Variants in CACNB2 observed in about 807,000 individuals in gnomAD.
CACNB2 encodes voltage-dependent L-type calcium channel subunit beta-2.
A neutral mutation model predicts 73.3 loss-of-function variants in CACNB2; 42 were observed. The observed-to-expected ratio is 0.57, with a 90% CI of 0.45 to 0.74. The LOEUF (loss-of-function observed/expected upper bound fraction) is 0.74. Among genes scored for constraint, CACNB2 ranks in the 30% least tolerant of loss-of-function variants. The probability of loss-of-function intolerance (pLI) is 0.00; values close to 1 mark genes in which losing one functional copy is unlikely to be tolerated. For missense variants in CACNB2, 940 were observed against 853.0 expected (o/e 1.10, Z -1.27); for synonymous variants, 348 against 310.3 (o/e 1.12, Z -1.28).
chr10:18,213,063 A>C (rs1274828726), intron 2 of CACNB2, among the ~76,000 whole-genome samples: 2 of 152,234 alleles, frequency 1.3e-5, no homozygotes, highest in Non-Finnish European at 1.5e-5. Context: ...GGCCTCATGC[A>C]ACCAGCATGC....
chr10:18,435,583 C>T (rs1020833936), intron 3 of CACNB2, among the ~76,000 whole-genome samples: 4 of 152,092 alleles, frequency 2.6e-5, no homozygotes, highest in African/African-American at 9.7e-5. Flanking sequence ...ACTGCAGCCT[C>T]GACCTCCCAG....
At chr10:18,302,376 T>C (rs981654030) in intron 2 of CACNB2, among the ~76,000 whole-genome samples, 11 of 152,142 alleles carry the variant, frequency 7.2e-5, no homozygotes, top group African/African-American at 2.7e-4. Flanking sequence ...GTGAATGACA[T>C]TATACAAAAT....
chr10:18,416,307 G>A (rs977755462), intron 3 of CACNB2, among the ~76,000 whole-genome samples: 1 of 152,164 alleles, frequency 6.6e-6, no homozygotes, highest in Non-Finnish European at 1.5e-5. Flanking sequence ...TCAAGGCTGA[G>A]TAATATTCCA....
At chr10:18,443,298 C>G (rs2046567338) in intron 3 of CACNB2, among the ~76,000 whole-genome samples, 1 of 151,810 alleles carries the variant, frequency 6.6e-6, no homozygotes, top group Non-Finnish European at 1.5e-5. Flanking sequence ...AAGGAAGAGG[C>G]CATTTCCAGT....
chr10:18,200,757 A>T (rs1156692201), intron 2 of CACNB2, among the ~76,000 whole-genome samples: 3 of 152,206 alleles, frequency 2.0e-5, no homozygotes, highest in East Asian at 1.9e-4. Context: ...CAATAATTTT[A>T]TAGTTGCCAA....
Position 18,171,534 on chromosome 10 carries a change from A to G in CACNB2, c.213+20559A>G, listed in dbSNP as rs1479086507. Among the ~76,000 whole-genome samples the G allele has an allele frequency of 2.8e-5, 4 of 143,348 alleles. No homozygotes were observed. The South Asian group carries it at 6.6e-4, about 23-fold the overall frequency. The allele number at this position is 143,348 out of a possible 152,430, so 94.0% of individuals were successfully genotyped here. A position where few individuals can be genotyped will look rare whatever the true frequency, so the allele number is the denominator to read the frequency against. On this transcript the variant is annotated intron_variant, in intron 2 of 13. Coordinates refer to ENST00000324631, the MANE Select transcript of CACNB2 (RefSeq NM_201596.3). ...GCTTTGATAGCAGAAAAAAAAAAAA[A>G]AAAAAAAAAAAAAAAGGCTATTTGT...
intron 3 of CACNB2, among the ~76,000 whole-genome samples, chr10:18,466,303 A>T (rs1275148714): frequency 6.6e-6 from 1 of 152,126 alleles, no homozygotes; most frequent in Non-Finnish European, 1.5e-5. Flanking sequence ...TGACATGATC[A>T]TAGCTCACTG....
intron 2 of CACNB2, among the ~76,000 whole-genome samples, chr10:18,378,991 C>T (rs2042911144): frequency 2.0e-5 from 3 of 152,078 alleles, no homozygotes; most frequent in African/African-American, 7.2e-5. Context: ...GCCAGGAACC[C>T]GGGCTTTCTT....
chr10:18,397,031 G>T (rs2043746502), intron 2 of CACNB2, among the ~76,000 whole-genome samples: 1 of 152,164 alleles, frequency 6.6e-6, no homozygotes, highest in Non-Finnish European at 1.5e-5. Context: ...CTATGAAATA[G>T]GCTTACAACT....
intron 2 of CACNB2, among the ~76,000 whole-genome samples, chr10:18,190,191 G>C (rs2034331769): frequency 6.6e-6 from 1 of 152,160 alleles, no homozygotes; most frequent in Non-Finnish European, 1.5e-5. Flanking sequence ...CTATCAGAAA[G>C]GGACATGCTC....
intron 2 of CACNB2, among the ~76,000 whole-genome samples, chr10:18,329,774 A>T (rs2040728071): frequency 2.0e-5 from 3 of 152,058 alleles, no homozygotes; most frequent in African/African-American, 7.2e-5. Context: ...ATTGTTTCCA[A>T]TAAAATATTT....
chr10:18,534,373 G>A, intron 11 of CACNB2, 146 bp downstream of exon 11: 1 of 759,566 alleles, frequency 1.3e-6, no homozygotes, highest in Non-Finnish European at 2.2e-6. Flanking sequence ...TTTTTAAATT[G>A]ATATAGTTTC....
intron 2 of CACNB2, among the ~76,000 whole-genome samples, chr10:18,361,496 C>T (rs1455318533): frequency 1.1e-5 from 1 of 95,044 alleles, no homozygotes; most frequent in African/African-American, 3.7e-5. Context: ...AAGACTCTAT[C>T]TCAAAAAAAA....
intron 3 of CACNB2, among the ~76,000 whole-genome samples, chr10:18,409,584 T>C (rs1431162418): frequency 6.6e-6 from 1 of 152,220 alleles, no homozygotes; most frequent in Non-Finnish European, 1.5e-5. Flanking sequence ...CTCTGGACAA[T>C]GTTTAATTTT....
chr10:18,525,976 C>T (rs2052431357), intron 9 of CACNB2, among the ~76,000 whole-genome samples: 2 of 152,066 alleles, frequency 1.3e-5, no homozygotes, highest in South Asian at 4.1e-4. Context: ...GAATAATTGT[C>T]ATAATTGATT....
chr10:18,164,160 A>T (rs2131108354), intron 2 of CACNB2, among the ~76,000 whole-genome samples: 1 of 152,354 alleles, frequency 6.6e-6, no homozygotes, highest in East Asian at 1.9e-4. Flanking sequence ...CAATGTAAAC[A>T]GGTTTTCTAC....
intron 2 of CACNB2, among the ~76,000 whole-genome samples, chr10:18,335,828 C>A (rs1189948078): frequency 6.6e-6 from 1 of 150,694 alleles, no homozygotes; most frequent in Non-Finnish European, 1.5e-5. Flanking sequence ...CACACACATA[C>A]ACACACAGTT....
At chr10:18,480,278 T>C (rs2048656175) in intron 3 of CACNB2, among the ~76,000 whole-genome samples, 1 of 152,034 alleles carries the variant, frequency 6.6e-6, no homozygotes, top group Non-Finnish European at 1.5e-5. Context: ...TTAATTGTTT[T>C]TTTAATATTG....
intron 2 of CACNB2, among the ~76,000 whole-genome samples, chr10:18,278,914 G>A (rs1000231174): frequency 2.0e-5 from 3 of 152,112 alleles, no homozygotes; most frequent in African/African-American, 7.2e-5. Flanking sequence ...TACTTAGGGA[G>A]GCTGAGGTGG....
Sources: allele counts gnomAD v4.1 joint callset (sites outside exome capture counted in the v4.1 genomes callset), GRCh38; gene constraint gnomAD v4.1.1; transcripts MANE v1.5; gene names NCBI Gene and HGNC (gene_info 2026-07-23, HGNC 2026-07-21).